The following RGS3 variants were observed in gnomAD, a reference collection of about 807,000 sequenced individuals.
RGS3 encodes the protein regulator of G-protein signalling 3.
In RGS3, 80 loss-of-function variants were observed where a neutral mutation model predicts 132.6. The ratio of observed to expected loss-of-function variants is 0.60; its 90% CI spans 0.50 to 0.73. The LOEUF is 0.73. Ranked by LOEUF, RGS3 falls within the 30% of genes least tolerant of loss-of-function variation. The pLI is 0.00. For synonymous variants in RGS3, 598 were observed against 620.6 expected (o/e 0.96, Z 0.54); for missense variants, 1,382 against 1,530.8 (o/e 0.90, Z 1.62).
intron 1 of RGS3, among the ~76,000 whole-genome samples, chr9:113,461,276 CA>C (rs1328624037): frequency 2.0e-5 from 3 of 152,030 alleles, no homozygotes; most frequent in Non-Finnish European, 4.4e-5. Flanking sequence ...ATGCTCAGGA[CA>C]TGTGAGAAAG....
chr9:113,454,049 A>G (rs1297635053), intron 1 of RGS3, among the ~76,000 whole-genome samples: 3 of 151,962 alleles, frequency 2.0e-5, no homozygotes, highest in Non-Finnish European at 4.4e-5. Context: ...CCTGGCCTCA[A>G]GCCATCCTCC....
At chr9:113,505,603 G>T (rs1831094390) in intron 11 of RGS3, 80 bp downstream of exon 9, 2 of 1,148,374 alleles carry the variant, frequency 1.7e-6, no homozygotes, top group East Asian at 2.4e-5. Flanking sequence ...GGAACTAAAA[G>T]GGGAGCCCCA....
chr9:113,481,769 G>C (rs949375604), intron 4 of RGS3, among the ~76,000 whole-genome samples: 1 of 152,222 alleles, frequency 6.6e-6, no homozygotes, highest in Non-Finnish European at 1.5e-5. Flanking sequence ...ACGTAAGGCT[G>C]GGTGCATTGG....
At chr9:113,456,635 AC>A (rs1829367133), upstream of RGS3, among the ~76,000 whole-genome samples, 1 of 146,936 alleles carries the variant, frequency 6.8e-6, no homozygotes, top group Non-Finnish European at 1.5e-5. Context: ...AAACGCCTCC[AC>A]CCCTAACCAA....
chr9:113,578,654 G>A lies in RGS3; in HGVS notation c.2038-4796G>A, dbSNP rs1291163194. On this transcript the variant is annotated intron_variant, in intron 19 of 24. Transcript: ENST00000350696. ...GCTGGGCTGACGCTGAGCCAGGAGAGCTAAGTGTTAGCTGAGCCATCAAGG... is the reference window on the plus strand; with the variant it reads ...GCTGGGCTGACGCTGAGCCAGGAGAACTAAGTGTTAGCTGAGCCATCAAGG... Among the ~76,000 whole-genome samples, 3 of 152,278 alleles carry A rather than the reference G, an allele frequency of 2.0e-5. No homozygotes were observed. The East Asian group carries it at 5.8e-4, about 29-fold the overall frequency.
intron 17 of RGS3, among the ~76,000 whole-genome samples, chr9:113,525,882 C>A (rs1207227162): frequency 6.6e-6 from 1 of 152,164 alleles, no homozygotes; most frequent in South Asian, 2.1e-4. Flanking sequence ...TGCCTCAGTT[C>A]GGGAGCTGGG....
intron 10 of RGS3, among the ~76,000 whole-genome samples, chr9:113,500,981 C>T (rs932668784): frequency 1.1e-4 from 17 of 152,290 alleles, no homozygotes; most frequent in African/African-American, 3.6e-4. Context: ...TGAGCCACCA[C>T]GCCTGGCCGA....
Position 113,584,320 on chromosome 9 carries a change from G to A in RGS3, c.2908G>A (p.Ala970Thr), listed in dbSNP as rs45597934. The change falls in exon 20 of 25, where the codon GCC becomes ACC. Residue 970 changes from alanine (A) to threonine (T), a missense_variant. Coordinates refer to ENST00000350696, the Ensembl canonical transcript of RGS3. ...CTTGCACTGCTCAGACGGTGAGGGC[G>A]CCGCCTCCACCTGGGGCATGCCTTC... is the stretch of plus-strand genomic sequence containing the variant. 415 of 1,601,862 alleles carry A rather than the reference G, an allele frequency of 2.6e-4. No homozygotes were observed. The highest frequency in any genetic ancestry group is 3.2e-4 in the Non-Finnish European group (382 of 1,176,220).
intron 19 of RGS3, among the ~76,000 whole-genome samples, chr9:113,574,820 C>G (rs1834438524): frequency 6.6e-6 from 1 of 152,198 alleles, no homozygotes; most frequent in Admixed American, 6.5e-5. Flanking sequence ...ATCCCACAGG[C>G]AGACTGGTTC....
At chr9:113,555,399 TA>T (rs1833527194) in intron 19 of RGS3, among the ~76,000 whole-genome samples, 1 of 152,194 alleles carries the variant, frequency 6.6e-6, no homozygotes, top group Non-Finnish European at 1.5e-5. Flanking sequence ...GGCTGGACCA[TA>T]CTTCTCTGCT....
intron 19 of RGS3, among the ~76,000 whole-genome samples, chr9:113,560,801 A>G (rs952363047): frequency 6.6e-6 from 1 of 152,178 alleles, no homozygotes; most frequent in Non-Finnish European, 1.5e-5. Context: ...ACACTTCCAT[A>G]GAGTTTCAAA....
At chr9:113,458,375 A>G (rs1829405766), upstream of RGS3, among the ~76,000 whole-genome samples, 1 of 152,254 alleles carries the variant, frequency 6.6e-6, no homozygotes, top group South Asian at 2.1e-4. Flanking sequence ...TTGGTAGGCC[A>G]TAGTTTGCCA....
At chr9:113,592,926 C>A (rs1037378224) in intron 21 of RGS3, 1 of 152,208 alleles carries the variant, frequency 6.6e-6, no homozygotes, top group African/African-American at 2.4e-5. Context: ...ATCTTTACCA[C>A]TACTTTTATT....
chr9:113,454,023 A>G (rs1829312940), intron 1 of RGS3, among the ~76,000 whole-genome samples: 1 of 152,012 alleles, frequency 6.6e-6, no homozygotes, highest in African/African-American at 2.4e-5. Context: ...TAAGTTGCTC[A>G]GGCTAGTCTC....
chr9:113,565,282 G>T lies in RGS3; in HGVS notation c.2038-18168G>T. ...ACTCCATCTCGGATGAAAGTGCTTT[G>T]AGAAACCACAGAGTTTTCTGTTTAA... On this transcript the variant is annotated intron_variant, in intron 19 of 24. Transcript: ENST00000350696. The surrounding 1 kb of genome is among the most constrained non-coding windows in gnomAD (Gnocchi z 5.7). The T allele has an allele frequency of 7.8e-7, 1 of 1,289,642 alleles. No individual in the cohort carries two copies. The highest frequency in any genetic ancestry group is 1.0e-6 in the Non-Finnish European group (1 of 988,770). 79.9% of individuals were successfully genotyped at this position (1,289,642 alleles called of 1,614,324 possible). A position where few individuals can be genotyped will look rare whatever the true frequency, so the allele number is the denominator to read the frequency against.
At chr9:113,462,024 T>A in exon 3 of RGS3, 1 of 1,613,334 alleles carries the variant, frequency 6.2e-7, no homozygotes, top group Non-Finnish European at 8.5e-7. Context: ...CCTGCAGGTC[T>A]GCCACGTCTC....
At chr9:113,514,001 G>A (rs560641414) in intron 14 of RGS3, among the ~76,000 whole-genome samples, 2 of 152,286 alleles carry the variant, frequency 1.3e-5, no homozygotes, top group East Asian at 1.9e-4. Flanking sequence ...TAAGGAGAGC[G>A]CGTACCCTGC....
At position 113,514,738 on chromosome 9, in the gene RGS3, A is replaced by G. The variant is rs918741521; in HGVS notation, c.1674+84A>G. ...CTTGCCCCAGGACTCAGGGATGATG[A>G]CTTATCCCAGGACTGAGGGCCCTGT... On this transcript the variant is annotated intron_variant, in intron 15 of 24. Coordinates refer to ENST00000350696, the Ensembl canonical transcript of RGS3. The G allele has an allele frequency of 6.1e-5, 84 of 1,373,088 alleles. 1 individual carries two copies. The African/African-American group carries it at 1.0e-3, about 16-fold the overall frequency. 85.1% of individuals were successfully genotyped at this position (1,373,088 alleles called of 1,614,324 possible).
intron 1 of RGS3, among the ~76,000 whole-genome samples, chr9:113,448,204 C>T (rs1829156801): frequency 6.6e-6 from 1 of 152,000 alleles, no homozygotes; most frequent in Non-Finnish European, 1.5e-5. Flanking sequence ...ATCTTTCCAC[C>T]ATGTGAATAT....
Sources: gnomAD v4.1 joint callset for allele counts (sites outside exome capture counted in the v4.1 genomes callset) on GRCh38, gnomAD v4.1.1 for gene constraint, Gnocchi (gnomAD v3.1) non-coding constraint, MANE v1.5 for transcripts, NCBI Gene and HGNC (gene_info 2026-07-23, HGNC 2026-07-21) for gene names.